SORCS1: variants seen among roughly 807,000 people sequenced by gnomAD.
SORCS1 encodes the protein VPS10 domain-containing receptor SorCS1.
Under a neutral mutation model 146.1 loss-of-function variants are expected in SORCS1, and 60 were observed. The observed-to-expected ratio is 0.41, with a 90% confidence interval of 0.33 to 0.51. The LOEUF (loss-of-function observed/expected upper bound fraction) is 0.51, where lower values mean the gene tolerates loss of function less well. Ranked by LOEUF, SORCS1 falls within the 20% of genes least tolerant of loss-of-function variation. The pLI is 0.21. For synonymous variants in SORCS1, 637 were observed against 584.0 expected (o/e 1.09, Z -1.31); for missense variants, 1,352 against 1,487.6 (o/e 0.91, Z 1.50).
At chr10:106,896,831 GGTTCAGAT>G (rs1951498462) in intron 2 of SORCS1, among the ~76,000 whole-genome samples, 2 of 151,678 alleles carry the variant, frequency 1.3e-5, no homozygotes, top group African/African-American at 4.8e-5. Flanking sequence ...CAAGGTCACA[GGTTCAGAT>G]GTTCTGACAC....
intron 9 of SORCS1, among the ~76,000 whole-genome samples, chr10:106,691,866 C>A (rs1221082217): frequency 6.6e-6 from 1 of 152,132 alleles, no homozygotes; most frequent in East Asian, 1.9e-4. Context: ...TTCCTGTAAA[C>A]ATCTCTAGTA....
intron 8 of SORCS1, 57 bp downstream of exon 8, chr10:106,706,488 G>C: frequency 6.6e-7 from 1 of 1,523,642 alleles, no homozygotes; most frequent in Non-Finnish European, 9.1e-7. Flanking sequence ...AGGGATGGAG[G>C]CTGGCTTCTG....
chr10:106,680,130 T>C (rs886678795), intron 10 of SORCS1, among the ~76,000 whole-genome samples: 11 of 152,200 alleles, frequency 7.2e-5, no homozygotes, highest in African/African-American at 2.4e-4. Context: ...TGCTGAACTT[T>C]GAATCATGAA....
At chr10:106,643,604 C>G (rs11192988) in intron 18 of SORCS1, among the ~76,000 whole-genome samples, 10,990 of 152,302 alleles carry the variant, frequency 0.072, 471 homozygotes, top group East Asian at 0.2. Context: ...CTGGAGGCAG[C>G]AGATTTCATC....
At chr10:106,971,634 T>C (rs1955790472) in intron 1 of SORCS1, among the ~76,000 whole-genome samples, 1 of 152,224 alleles carries the variant, frequency 6.6e-6, no homozygotes, top group Non-Finnish European at 1.5e-5. Context: ...GAGGGCTGAG[T>C]AGTTGTAAAA....
intron 2 of SORCS1, among the ~76,000 whole-genome samples, chr10:106,948,091 G>T (rs969677991): frequency 3.9e-5 from 6 of 151,974 alleles, no homozygotes; most frequent in Non-Finnish European, 7.4e-5. Flanking sequence ...AAATAAATCA[G>T]GTTGTCATAA....
rs532485120 is a variant in SORCS1 at position 106,926,357 on chromosome 10, G to T, written c.626+30156C>A. ...AGTCAAAAATAACTGAGTTTTAATA[G>T]TAGCTTGCTTCCTAACCAGCTATTT... On this transcript the variant is annotated intron_variant, in intron 2 of 25. Coordinates refer to ENST00000263054, the MANE Select transcript of SORCS1 (RefSeq NM_052918.5). 2.0e-3 allele frequency among the ~76,000 whole-genome samples: 312 copies of T among 152,240 alleles called. 6 individuals carry two copies. The highest frequency in any genetic ancestry group is 7.3e-3 in the African/African-American group (304 of 41,540).
At chr10:106,949,700 G>T (rs1000709223) in intron 2 of SORCS1, among the ~76,000 whole-genome samples, 7 of 152,182 alleles carry the variant, frequency 4.6e-5, no homozygotes, top group African/African-American at 1.7e-4. Flanking sequence ...CCAAAAGCAG[G>T]TTTTGCTGTT....
intron 19 of SORCS1, among the ~76,000 whole-genome samples, chr10:106,621,321 T>C (rs576514530): frequency 2.2e-4 from 34 of 152,246 alleles, no homozygotes; most frequent in Admixed American, 1.1e-3. Context: ...AATCTTCTCT[T>C]TGAGTCACTG....
intron 2 of SORCS1, 107 bp from the exon 3 acceptor site, chr10:106,829,780 A>C: frequency 2.7e-5 from 19 of 710,758 alleles, no homozygotes; most frequent in Non-Finnish European, 3.8e-5. Flanking sequence ...GAGGTTTCTC[A>C]ATGATTCATG....
At chr10:106,878,646 A>ATATATATATATATCTATATT (rs1200849744) in intron 2 of SORCS1, among the ~76,000 whole-genome samples, 1 of 117,886 alleles carries the variant, frequency 8.5e-6, no homozygotes, top group Non-Finnish European at 1.9e-5. Context: ...ATATATATAT[A>ATATATATATATATCTATATT]TATTTTATAG....
chr10:106,587,513 G>A (rs1305690944), intron 24 of SORCS1, among the ~76,000 whole-genome samples: 1 of 152,214 alleles, frequency 6.6e-6, no homozygotes, highest in Non-Finnish European at 1.5e-5. Flanking sequence ...AAATTGTAGT[G>A]CAGAATTCAT....
intron 1 of SORCS1, among the ~76,000 whole-genome samples, chr10:106,965,192 G>A (rs527460583): frequency 1.3e-5 from 2 of 152,130 alleles, no homozygotes; most frequent in South Asian, 4.2e-4. Context: ...ACCTGAAGAT[G>A]TGGCTATACT....
At chr10:106,590,511 T>C (rs896183865) in intron 24 of SORCS1, among the ~76,000 whole-genome samples, 8 of 152,304 alleles carry the variant, frequency 5.3e-5, no homozygotes, top group Admixed American at 5.2e-4. Context: ...GAGAAAACTA[T>C]TGGCACTTTA....
chr10:106,599,367 C>CAAAAAAAA (rs531734833), intron 23 of SORCS1, among the ~76,000 whole-genome samples: 2 of 116,608 alleles, frequency 1.7e-5, no homozygotes, highest in Non-Finnish European at 3.5e-5. Context: ...AACTCTAATT[C>CAAAAAAAA]AAAAAAAAAA....
intron 6 of SORCS1, among the ~76,000 whole-genome samples, chr10:106,716,115 C>A (rs2135898401): frequency 6.6e-6 from 1 of 152,230 alleles, no homozygotes; most frequent in East Asian, 1.9e-4. Flanking sequence ...TTTTTAAAAA[C>A]ACCATGAAAA....
intron 3 of SORCS1, among the ~76,000 whole-genome samples, chr10:106,797,361 A>G (rs1023586089): frequency 6.6e-6 from 1 of 151,956 alleles, no homozygotes; most frequent in Non-Finnish European, 1.5e-5. Context: ...ATTTGCCTAA[A>G]TTTCTCTAAG....
intron 1 of SORCS1, among the ~76,000 whole-genome samples, chr10:107,157,404 T>G (rs1416605234): frequency 6.6e-6 from 1 of 152,206 alleles, no homozygotes; most frequent in Non-Finnish European, 1.5e-5. Context: ...AATAGGAACA[T>G]CTTGTTTTTT....
At chr10:106,705,486 C>A (rs551302607) in intron 8 of SORCS1, among the ~76,000 whole-genome samples, 21 of 152,184 alleles carry the variant, frequency 1.4e-4, no homozygotes, top group African/African-American at 4.3e-4. Flanking sequence ...TTCAAGACAA[C>A]ATACGACAAA....
Sources: gnomAD v4.1 joint callset for allele counts (sites outside exome capture counted in the v4.1 genomes callset) on GRCh38, gnomAD v4.1.1 for gene constraint, MANE v1.5 for transcripts, NCBI Gene and HGNC (gene_info 2026-07-23, HGNC 2026-07-21) for gene names.